The following TMPRSS3 variants were observed in gnomAD, a reference collection of about 807,000 sequenced individuals.
TMPRSS3 encodes the protein transmembrane serine protease 3, also known as transmembrane protease serine 3.
Under a neutral mutation model 59.6 loss-of-function variants are expected in TMPRSS3, and 55 were observed. The observed-to-expected ratio is 0.92, with a 90% CI of 0.74 to 1.16. TMPRSS3 has a LOEUF of 1.16. TMPRSS3 is among the 50% of genes most tolerant of loss of function. The pLI, the probability that TMPRSS3 is intolerant of heterozygous loss-of-function variation, is 0.00. For synonymous variants in TMPRSS3, 257 were observed against 237.7 expected, an observed-to-expected ratio of 1.08 and a Z score of -0.75; for missense variants, 596 against 579.4, an observed-to-expected ratio of 1.03 and a Z score of -0.29.
At chr21:42,384,129 A>G in intron 6 of TMPRSS3, 116 bp from the exon 7 acceptor site, 1 of 972,942 alleles carries the variant, frequency 1.0e-6, no homozygotes, top group South Asian at 1.4e-5. Context: ...CCCTCTTTGA[A>G]TATAGATTAC....
At chr21:42,382,981 G>A (rs2052558790) in intron 8 of TMPRSS3, 52 bp downstream of exon 8, 1 of 1,610,508 alleles carries the variant, frequency 6.2e-7, no homozygotes, top group Non-Finnish European at 8.5e-7. Flanking sequence ...GCCCCACCCT[G>A]ACATGACCCA....
At chr21:42,384,131 A>G in intron 6 of TMPRSS3, 118 bp from the exon 7 acceptor site, 1 of 925,836 alleles carries the variant, frequency 1.1e-6, no homozygotes, top group Non-Finnish European at 1.7e-6. Flanking sequence ...CTCTTTGAAT[A>G]TAGATTACAA....
intron 10 of TMPRSS3, among the ~76,000 whole-genome samples, chr21:42,377,295 G>A (rs28582657): frequency 0.011 from 1,662 of 152,286 alleles, 30 homozygotes; most frequent in African/African-American, 0.038. Flanking sequence ...AAGCTGTGAC[G>A]ACAGAGCAGG....
intron 2 of TMPRSS3, among the ~76,000 whole-genome samples, chr21:42,394,573 C>A (rs1176684617): frequency 6.6e-6 from 1 of 152,154 alleles, no homozygotes; most frequent in Non-Finnish European, 1.5e-5. Context: ...TCTTCTCCCA[C>A]CTCCCATCCT....
intron 9 of TMPRSS3, among the ~76,000 whole-genome samples, chr21:42,380,528 C>G (rs1568881180): frequency 6.6e-6 from 1 of 152,172 alleles, no homozygotes; most frequent in Non-Finnish European, 1.5e-5. Flanking sequence ...TCTCTGGCTG[C>G]CATTGGAGCA....
intron 6 of TMPRSS3, 25 bp from the exon 7 acceptor site, chr21:42,384,038 T>C (rs1488389335): frequency 1.9e-5 from 30 of 1,613,190 alleles, no homozygotes; most frequent in Non-Finnish European, 2.4e-5. Flanking sequence ...AAGTAGGCTC[T>C]GTGAAAAATG....
At chr21:42,384,721 C>A (rs2052595017) in intron 6 of TMPRSS3, among the ~76,000 whole-genome samples, 1 of 152,192 alleles carries the variant, frequency 6.6e-6, no homozygotes, top group Non-Finnish European at 1.5e-5. Flanking sequence ...GACGGACAGA[C>A]CAACAAGCCT....
chr21:42,385,364 G>T, intron 6 of TMPRSS3, 45 bp downstream of exon 6: 1 of 1,612,470 alleles, frequency 6.2e-7, no homozygotes, highest in Non-Finnish European at 8.5e-7. Context: ...AATCCAGCAG[G>T]TGACTCGATA....
intron 2 of TMPRSS3, among the ~76,000 whole-genome samples, chr21:42,393,795 G>A (rs908564298): frequency 1.3e-5 from 2 of 152,192 alleles, no homozygotes; most frequent in African/African-American, 4.8e-5. Context: ...GAACAAATGA[G>A]CATGTCTGTG....
intron 1 of TMPRSS3, 166 bp from the exon 2 acceptor site, chr21:42,395,634 G>T (rs2052795368): frequency 6.3e-6 from 3 of 478,232 alleles, no homozygotes; most frequent in Non-Finnish European, 1.1e-5. Context: ...TTTCGTCTGA[G>T]CTACAGCAGA....
chr21:42,395,573 A>G (rs746348708), intron 1 of TMPRSS3, 105 bp from the exon 2 acceptor site: 40 of 729,582 alleles, frequency 5.5e-5, no homozygotes, highest in Admixed American at 1.6e-4. Context: ...AGTCCACACA[A>G]AGCGCATTCA....
At chr21:42,373,928 C>T (rs978662377) in intron 12 of TMPRSS3, among the ~76,000 whole-genome samples, 5 of 152,146 alleles carry the variant, frequency 3.3e-5, no homozygotes, top group Admixed American at 1.3e-4. Context: ...CTCTGCCTTG[C>T]GCCTTCAGTG....
At chr21:42,380,951 T>C (rs1348469905) in intron 9 of TMPRSS3, among the ~76,000 whole-genome samples, 2 of 152,210 alleles carry the variant, frequency 1.3e-5, no homozygotes, top group Non-Finnish European at 2.9e-5. Context: ...CCAATATCAT[T>C]AATAATAGTT....
At chr21:42,384,140 A>G in intron 6 of TMPRSS3, 127 bp from the exon 7 acceptor site, 1 of 838,436 alleles carries the variant, frequency 1.2e-6, no homozygotes, top group Non-Finnish European at 1.8e-6. Flanking sequence ...TATAGATTAC[A>G]ATTTTAGTCT....
At chr21:42,394,924 G>A (rs141624061) in intron 2 of TMPRSS3, among the ~76,000 whole-genome samples, 3 of 152,318 alleles carry the variant, frequency 2.0e-5, no homozygotes, top group Admixed American at 6.5e-5. Context: ...TTTAATCTAG[G>A]CCTCTAATAT....
intron 2 of TMPRSS3, among the ~76,000 whole-genome samples, chr21:42,391,464 T>C (rs1445699803): frequency 6.6e-6 from 1 of 152,092 alleles, no homozygotes; most frequent in Non-Finnish European, 1.5e-5. Flanking sequence ...AAGATACAGA[T>C]AGCGTCTCCC....
At chr21:42,384,047 T>C (rs1397539606) in intron 6 of TMPRSS3, 34 bp from the exon 7 acceptor site, 4 of 1,611,324 alleles carry the variant, frequency 2.5e-6, no homozygotes, top group African/African-American at 1.3e-5. Context: ...CTGTGAAAAA[T>C]GCCCCAGATC....
chr21:42,377,925 C>T (rs982657395), intron 10 of TMPRSS3, among the ~76,000 whole-genome samples: 1 of 152,230 alleles, frequency 6.6e-6, no homozygotes, highest in African/African-American at 2.4e-5. Context: ...AAATCGGCAG[C>T]GGGATGGAGA....
chr21:42,382,010 A>C, intron 9 of TMPRSS3, 55 bp downstream of exon 9: 2 of 1,612,392 alleles, frequency 1.2e-6, no homozygotes, highest in South Asian at 2.2e-5. Context: ...GAGCAATTGC[A>C]AATCCTCTTG....
Sources: gnomAD v4.1 joint callset for allele counts (sites outside exome capture counted in the v4.1 genomes callset) on GRCh38, gnomAD v4.1.1 for gene constraint, MANE v1.5 for transcripts, NCBI Gene and HGNC (gene_info 2026-07-23, HGNC 2026-07-21) for gene names.